THOC1: variants seen among roughly 807,000 people sequenced by gnomAD.
THOC1 encodes THO complex subunit 1.
THOC1 carries 29 observed loss-of-function variants against 97.3 expected under a neutral mutation model. The observed-to-expected ratio is 0.30, with a 90% CI of 0.22 to 0.41. THOC1 has a LOEUF of 0.41. Among genes scored for constraint, THOC1 ranks in the 10% least tolerant of loss-of-function variants. THOC1 has a pLI of 1.00. For missense variants in THOC1, 529 were observed against 761.9 expected, an observed-to-expected ratio of 0.69 and a Z score of 3.60; for synonymous variants, 255 against 257.0, an observed-to-expected ratio of 0.99 and a Z score of 0.07.
chr18:248,254 A>C lies in THOC1; in HGVS notation c.678-297T>G, dbSNP rs9967456. 6.4e-3 allele frequency among the ~76,000 whole-genome samples: 979 copies of C among 152,348 alleles called. 8 individuals carry two copies. The highest frequency in any genetic ancestry group is 0.022 in the African/African-American group (914 of 41,574). ...TTGCTGCTCGCATGGTCATGTGATT[A>C]AATTCTGGCCAATCAGTTGAGAGCG... On this transcript the variant is annotated intron_variant, in intron 9 of 20. Transcript: ENST00000261600.
At chr18:258,230 G>C (rs1342826955) in intron 7 of THOC1, among the ~76,000 whole-genome samples, 1 of 152,002 alleles carries the variant, frequency 6.6e-6, no homozygotes, top group Non-Finnish European at 1.5e-5. Flanking sequence ...CCTGTATCTA[G>C]TGCCAATCTA....
At chr18:237,796 A>T (rs1315179095) in intron 11 of THOC1, among the ~76,000 whole-genome samples, 1 of 152,206 alleles carries the variant, frequency 6.6e-6, no homozygotes, top group African/African-American at 2.4e-5. Flanking sequence ...AATAGAAAAC[A>T]TTTGGTTTCT....
chr18:228,528 A>G (rs1318176599), intron 11 of THOC1, among the ~76,000 whole-genome samples: 1 of 28,098 alleles, frequency 3.6e-5, no homozygotes, highest in Non-Finnish European at 7.1e-5. Flanking sequence ...TGTAAGGGGG[A>G]AAAAAAAACC....
chr18:231,503 CAT>C (rs1911484617), intron 11 of THOC1, among the ~76,000 whole-genome samples: 1 of 152,124 alleles, frequency 6.6e-6, no homozygotes, highest in African/African-American at 2.4e-5. Context: ...TACCAACTGT[CAT>C]AACACATCAG....
At chr18:252,101 T>C (rs1000254630) in intron 9 of THOC1, among the ~76,000 whole-genome samples, 1 of 152,184 alleles carries the variant, frequency 6.6e-6, no homozygotes, top group Non-Finnish European at 1.5e-5. Context: ...GGATTGCTTT[T>C]GGAAAGAAAG....
rs897986718 is a variant in THOC1 at position 259,671 on chromosome 18, CAATT to C, written c.424+7_424+10del. The C allele has an allele frequency of 4.6e-6, 7 of 1,535,584 alleles. No individual in the cohort carries two copies. The highest frequency in any genetic ancestry group is 4.2e-5 in the Admixed American group (2 of 47,966). The stretch of plus-strand genomic sequence containing the variant: ...CTTAAAAAGCAATCATTTTATCACT[CAATT>C]ACTTACCATTGCACATACGTAGTAA... On this transcript the variant is annotated splice_region_variant and intron_variant, in intron 6 of 20. Transcript: ENST00000261600.
intron 10 of THOC1, among the ~76,000 whole-genome samples, chr18:246,712 C>T (rs1286082507): frequency 6.6e-6 from 1 of 151,996 alleles, no homozygotes; most frequent in Non-Finnish European, 1.5e-5. Context: ...GGTGGTGGCT[C>T]ACGCCTGTAA....
chr18:229,452 C>A (rs950522479), intron 11 of THOC1, among the ~76,000 whole-genome samples: 1 of 151,910 alleles, frequency 6.6e-6, no homozygotes. Context: ...GAGGCTGAGG[C>A]GGGCGGATCA....
chr18:245,995 AAAT>A (rs1352072983), intron 11 of THOC1: 6 of 166,886 alleles, frequency 3.6e-5, no homozygotes, highest in Non-Finnish European at 5.1e-5. Context: ...ACTTGCACCT[AAAT>A]AATAATTATG....
intron 19 of THOC1, 22 bp from the exon 20 acceptor site, chr18:215,526 G>T (rs772963242): frequency 6.3e-7 from 1 of 1,590,240 alleles, no homozygotes; most frequent in Admixed American, 1.7e-5. Flanking sequence ...AAAGAAGAAT[G>T]TTTGAAAGAA....
At chr18:231,325 C>CT (rs1246317477) in intron 11 of THOC1, among the ~76,000 whole-genome samples, 1 of 152,146 alleles carries the variant, frequency 6.6e-6, no homozygotes, top group East Asian at 1.9e-4. Flanking sequence ...AAGGCTCATG[C>CT]TTTTCATTTT....
chr18:244,754 T>C (rs1446275079), intron 11 of THOC1: 1 of 152,166 alleles, frequency 6.6e-6, no homozygotes, highest in East Asian at 1.9e-4. Context: ...TTCTTTGCAA[T>C]CCAGTTTCTC....
chr18:228,428 G>A (rs775948774), intron 11 of THOC1, among the ~76,000 whole-genome samples: 1 of 151,918 alleles, frequency 6.6e-6, no homozygotes, highest in Non-Finnish European at 1.5e-5. Flanking sequence ...ACTTTTTCCT[G>A]AAGTGTCAAA....
chr18:238,260 C>CTGCTGAGT (rs1220737844), intron 11 of THOC1, among the ~76,000 whole-genome samples: 3 of 152,120 alleles, frequency 2.0e-5, no homozygotes, highest in Non-Finnish European at 4.4e-5. Flanking sequence ...CTCAGTGTCC[C>CTGCTGAGT]TGCTGAGTTA....
intron 10 of THOC1, among the ~76,000 whole-genome samples, chr18:247,339 T>C (rs1912128204): frequency 1.3e-5 from 2 of 152,242 alleles, no homozygotes; most frequent in Admixed American, 1.3e-4. Flanking sequence ...TGGCAAACTT[T>C]TTCTGTAAAG....
chr18:265,374 C>G lies in THOC1; in HGVS notation c.129-11G>C. 6.2e-7 allele frequency: 1 copy of G among 1,602,270 alleles called. No individual in the cohort carries two copies. Among genetic ancestry groups the G allele is most frequent in the African/African-American group, 1.3e-5 (1 of 74,516 alleles). ...TTTTTTTCATTTTCACTATTAAAAA[C>G]AAAAGACATCCTCATTTTTCAAACA... On this transcript the variant is annotated splice_polypyrimidine_tract_variant and intron_variant, in intron 2 of 20. Coordinates refer to ENST00000261600, the MANE Select transcript of THOC1 (RefSeq NM_005131.3).
intron 18 of THOC1, 92 bp from the exon 19 acceptor site, chr18:216,725 G>T: frequency 7.1e-7 from 1 of 1,407,930 alleles, no homozygotes; most frequent in Non-Finnish European, 9.3e-7. Context: ...CTGTATTTAA[G>T]GTAAATAGCT....
At chr18:239,778 T>G (rs1048762758) in intron 11 of THOC1, among the ~76,000 whole-genome samples, 2 of 152,190 alleles carry the variant, frequency 1.3e-5, no homozygotes, top group African/African-American at 4.8e-5. Context: ...TATTAAAACA[T>G]GCATATCAAA....
chr18:227,290 A>G (rs1419290557), intron 11 of THOC1, among the ~76,000 whole-genome samples: 2 of 152,142 alleles, frequency 1.3e-5, no homozygotes, highest in Non-Finnish European at 2.9e-5. Flanking sequence ...GATCAGTCTG[A>G]GCAACATAGC....
Sources: gnomAD v4.1 joint callset for allele counts (sites outside exome capture counted in the v4.1 genomes callset) on GRCh38, gnomAD v4.1.1 for gene constraint, MANE v1.5 for transcripts, NCBI Gene and HGNC (gene_info 2026-07-23, HGNC 2026-07-21) for gene names.